ADAMTS3: variants seen among roughly 807,000 people sequenced by gnomAD.
The protein encoded by ADAMTS3 is A disintegrin and metalloproteinase with thrombospondin motifs 3.
ADAMTS3 carries 73 observed loss-of-function variants against 129.0 expected under a neutral mutation model. That is an observed-to-expected ratio of 0.57 (90% CI 0.47 to 0.69). The LOEUF (loss-of-function observed/expected upper bound fraction) is 0.69, where lower values mean the gene tolerates loss of function less well. Ranked by LOEUF, ADAMTS3 falls within the 30% of genes least tolerant of loss-of-function variation. ADAMTS3 has a pLI of 0.00. For synonymous variants in ADAMTS3, 477 were observed against 510.8 expected (o/e 0.93, Z 0.89); for missense variants, 1,457 against 1,514.5 (o/e 0.96, Z 0.63).
Position 72,568,996 on chromosome 4 carries a change from C to T in ADAMTS3, c.-234G>A, listed in dbSNP as rs1481584379. ...ACCTTCTCACCCCGTCCTCCCAACA[C>T]AGAGTGTGCAGGAGCGAGAAGGTGC... On this transcript the variant is annotated 5_prime_UTR_variant, in exon 1 of 22. It adds an upstream start codon to the 5' untranslated region. Transcript: ENST00000286657. 1.4e-5 allele frequency: 8 copies of T among 591,176 alleles called. No homozygotes were observed. In the East Asian group the frequency reaches 2.3e-4, roughly 17 times the overall value. 36.6% of individuals were successfully genotyped at this position (591,176 alleles called of 1,614,324 possible).
At chr4:72,309,906 G>T (rs970038858) in intron 14 of ADAMTS3, among the ~76,000 whole-genome samples, 1 of 152,036 alleles carries the variant, frequency 6.6e-6, no homozygotes, top group African/African-American at 2.4e-5. Flanking sequence ...TTGTATATTA[G>T]TGCAATCTTT....
chr4:72,363,259 T>G (rs1249957075), intron 4 of ADAMTS3, among the ~76,000 whole-genome samples: 1 of 152,088 alleles, frequency 6.6e-6, no homozygotes, highest in African/African-American at 2.4e-5. Flanking sequence ...ACATAACACT[T>G]GGTAAAATTT....
chr4:72,420,950 T>C (rs191172534), intron 3 of ADAMTS3, among the ~76,000 whole-genome samples: 305 of 152,126 alleles, frequency 2.0e-3, no homozygotes, highest in Non-Finnish European at 3.5e-3. Flanking sequence ...AAAAAAGTCA[T>C]AACCGCAATG....
intron 2 of ADAMTS3, among the ~76,000 whole-genome samples, chr4:72,556,768 G>A (rs1294854396): frequency 2.0e-5 from 3 of 151,532 alleles, no homozygotes; most frequent in Non-Finnish European, 4.4e-5. Context: ...ACCAAATGAA[G>A]TGAAGTATAC....
At chr4:72,401,949 A>G (rs1009881235) in intron 4 of ADAMTS3, among the ~76,000 whole-genome samples, 4 of 152,208 alleles carry the variant, frequency 2.6e-5, no homozygotes, top group African/African-American at 9.6e-5. Flanking sequence ...CTAAAAGAAA[A>G]GAAATATTTA....
chr4:72,453,630 C>T (rs1263476186), intron 3 of ADAMTS3, among the ~76,000 whole-genome samples: 1 of 151,514 alleles, frequency 6.6e-6, no homozygotes, highest in African/African-American at 2.4e-5. Context: ...AGATAATAAT[C>T]CTTTGGAGAA....
intron 3 of ADAMTS3, among the ~76,000 whole-genome samples, chr4:72,446,636 A>G (rs1718260517): frequency 6.6e-6 from 1 of 151,742 alleles, no homozygotes; most frequent in Non-Finnish European, 1.5e-5. Context: ...GAAAGTCTTC[A>G]AATACCATGT....
intron 3 of ADAMTS3, among the ~76,000 whole-genome samples, chr4:72,438,610 T>A (rs1160274251): frequency 6.6e-6 from 1 of 151,734 alleles, no homozygotes; most frequent in Non-Finnish European, 1.5e-5. Flanking sequence ...ATACCTCTCA[T>A]AGCCTCTGGA....
chr4:72,523,224 A>C (rs1301070428), intron 3 of ADAMTS3, among the ~76,000 whole-genome samples: 1 of 152,096 alleles, frequency 6.6e-6, no homozygotes, highest in Non-Finnish European at 1.5e-5. Context: ...AATGTCCAGT[A>C]AATTTCGAAC....
chr4:72,549,052 T>G (rs990890872), intron 2 of ADAMTS3, among the ~76,000 whole-genome samples, 168 bp from the exon 3 acceptor site: 3 of 152,180 alleles, frequency 2.0e-5, no homozygotes, highest in African/African-American at 7.2e-5. Context: ...AAATCATTTC[T>G]CAAATGCATT....
At chr4:72,488,777 T>G (rs1719655961) in intron 3 of ADAMTS3, among the ~76,000 whole-genome samples, 1 of 151,924 alleles carries the variant, frequency 6.6e-6, no homozygotes, top group African/African-American at 2.4e-5. Flanking sequence ...TCAATATTTT[T>G]TCTTTATTTT....
chr4:72,410,226 A>T (rs1054728267), intron 4 of ADAMTS3, among the ~76,000 whole-genome samples: 9 of 152,126 alleles, frequency 5.9e-5, no homozygotes, highest in Admixed American at 6.6e-5. Context: ...AATAAGAAAT[A>T]ATCTTCTCGT....
intron 20 of ADAMTS3, 121 bp from the exon 21 acceptor site, chr4:72,288,989 G>A: frequency 1.5e-6 from 1 of 666,928 alleles, no homozygotes; most frequent in South Asian, 1.9e-5. Context: ...GATCTGGAGT[G>A]GGTTCTCTAT....
At chr4:72,535,897 C>T (rs373905953) in intron 3 of ADAMTS3, among the ~76,000 whole-genome samples, 1 of 152,154 alleles carries the variant, frequency 6.6e-6, no homozygotes, top group African/African-American at 2.4e-5. Flanking sequence ...ACATCTCATC[C>T]TGAGATTCCT....
intron 4 of ADAMTS3, among the ~76,000 whole-genome samples, chr4:72,386,017 A>C (rs1721437533): frequency 6.6e-6 from 1 of 152,100 alleles, no homozygotes; most frequent in Non-Finnish European, 1.5e-5. Context: ...GAAATCTATA[A>C]CCTAAAGTTA....
chr4:72,511,556 T>C (rs976345111), intron 3 of ADAMTS3, among the ~76,000 whole-genome samples: 5 of 152,166 alleles, frequency 3.3e-5, no homozygotes, highest in African/African-American at 9.6e-5. Flanking sequence ...AAATTAAAAC[T>C]ACAATGCGAT....
At chr4:72,521,396 C>T (rs1168812913) in intron 3 of ADAMTS3, among the ~76,000 whole-genome samples, 1 of 152,152 alleles carries the variant, frequency 6.6e-6, no homozygotes, top group Non-Finnish European at 1.5e-5. Flanking sequence ...CCAATAATCA[C>T]AATCCCTTAA....
chr4:72,505,227 T>A (rs1380949052), intron 3 of ADAMTS3, among the ~76,000 whole-genome samples: 2 of 152,132 alleles, frequency 1.3e-5, no homozygotes, highest in Non-Finnish European at 2.9e-5. Context: ...TGGGTAGGAT[T>A]TTTTCTTTTT....
chr4:72,331,970 G>A (rs1719863873), intron 5 of ADAMTS3, among the ~76,000 whole-genome samples: 1 of 152,066 alleles, frequency 6.6e-6, no homozygotes. Context: ...TATTTTACCT[G>A]CTACAATTAG....
Sources: allele counts gnomAD v4.1 joint callset (sites outside exome capture counted in the v4.1 genomes callset), GRCh38; gene constraint gnomAD v4.1.1; transcripts MANE v1.5; gene names NCBI Gene and HGNC (gene_info 2026-07-23, HGNC 2026-07-21).